The following SEMA5A variants were observed in gnomAD, a reference collection of about 807,000 sequenced individuals.
SEMA5A encodes semaphorin 5A.
In SEMA5A, 55 loss-of-function variants were observed where a neutral mutation model predicts 135.5. The ratio of observed to expected loss-of-function variants is 0.41; its 90% CI spans 0.33 to 0.51. SEMA5A has a LOEUF of 0.51. Ranked by LOEUF, SEMA5A falls within the 20% of genes least tolerant of loss-of-function variation. The pLI is 0.37. For missense variants in SEMA5A, 1,290 were observed against 1,419.9 expected, an observed-to-expected ratio of 0.91 and a Z score of 1.47; for synonymous variants, 580 against 546.5, an observed-to-expected ratio of 1.06 and a Z score of -0.85.
intron 16 of SEMA5A, among the ~76,000 whole-genome samples, chr5:9,084,488 C>T (rs1430855038): frequency 6.6e-6 from 1 of 152,134 alleles, no homozygotes; most frequent in African/African-American, 2.4e-5. Flanking sequence ...TTTTCCCTTG[C>T]TGTTCTCATG....
chr5:9,400,673 A>AT (rs1301589183), intron 2 of SEMA5A, among the ~76,000 whole-genome samples: 1 of 61,342 alleles, frequency 1.6e-5, no homozygotes, highest in East Asian at 7.1e-4. Context: ...CGCCCGGCTA[A>AT]TTTTTTGTAT....
chr5:9,331,442 G>C (rs1490311030), intron 4 of SEMA5A, among the ~76,000 whole-genome samples: 1 of 152,184 alleles, frequency 6.6e-6, no homozygotes, highest in African/African-American at 2.4e-5. Flanking sequence ...AGGCTTCACT[G>C]TCTTGGGTTC....
intron 12 of SEMA5A, among the ~76,000 whole-genome samples, chr5:9,137,339 A>G (rs1298017368): frequency 6.6e-6 from 1 of 152,242 alleles, no homozygotes; most frequent in East Asian, 1.9e-4. Context: ...ATATGATATC[A>G]GAAGTATTTT....
intron 11 of SEMA5A, among the ~76,000 whole-genome samples, chr5:9,173,182 T>C (rs1371955996): frequency 6.6e-6 from 1 of 152,060 alleles, no homozygotes; most frequent in African/African-American, 2.4e-5. Context: ...CAGGGACAGA[T>C]GGCTTGCTGC....
At chr5:9,082,503 C>A (rs1738445758) in intron 16 of SEMA5A, among the ~76,000 whole-genome samples, 1 of 152,138 alleles carries the variant, frequency 6.6e-6, no homozygotes, top group Non-Finnish European at 1.5e-5. Flanking sequence ...TCTCTGCTCA[C>A]TCCCAAGTTC....
intron 5 of SEMA5A, among the ~76,000 whole-genome samples, chr5:9,289,333 TTC>T (rs1305875718): frequency 6.6e-6 from 1 of 152,246 alleles, no homozygotes; most frequent in Non-Finnish European, 1.5e-5. Flanking sequence ...TGAATTAAAA[TTC>T]TGTTTTCTAC....
intron 2 of SEMA5A, among the ~76,000 whole-genome samples, chr5:9,403,101 A>G (rs914983826): frequency 3.3e-5 from 5 of 152,144 alleles, no homozygotes; most frequent in African/African-American, 1.2e-4. Flanking sequence ...CTCCCATTTT[A>G]TGAAGATCCA....
chr5:9,452,418 T>C (rs1327301721), intron 1 of SEMA5A, among the ~76,000 whole-genome samples: 3 of 152,196 alleles, frequency 2.0e-5, no homozygotes, highest in Non-Finnish European at 4.4e-5. Context: ...GAAGAACTGC[T>C]ATCCAGTCAC....
At chr5:9,311,062 T>C (rs960319944) in intron 5 of SEMA5A, among the ~76,000 whole-genome samples, 4 of 152,092 alleles carry the variant, frequency 2.6e-5, no homozygotes, top group Non-Finnish European at 4.4e-5. Context: ...TTAAAACATG[T>C]GGAAACTGAG....
chr5:9,141,956 T>C (rs1009312050), intron 12 of SEMA5A, among the ~76,000 whole-genome samples: 8 of 152,208 alleles, frequency 5.3e-5, no homozygotes, highest in Admixed American at 6.5e-5. Flanking sequence ...TAAAATGTAT[T>C]CTTACACATG....
intron 1 of SEMA5A, among the ~76,000 whole-genome samples, chr5:9,486,136 T>G (rs1422763166): frequency 6.6e-6 from 1 of 151,922 alleles, no homozygotes; most frequent in Non-Finnish European, 1.5e-5. Context: ...TGGATGAAAT[T>G]GAAAGCCATC....
At chr5:9,356,159 G>A (rs773918416) in intron 3 of SEMA5A, among the ~76,000 whole-genome samples, 45 of 152,166 alleles carry the variant, frequency 3.0e-4, no homozygotes, top group Non-Finnish European at 5.4e-4. Flanking sequence ...CACTGAAGAC[G>A]CATTTCTTCT....
chr5:9,341,241 T>C lies in SEMA5A; in HGVS notation c.125-3429A>G, dbSNP rs547448843. On this transcript the variant is annotated intron_variant, in intron 3 of 22. Coordinates refer to ENST00000382496, the MANE Select transcript of SEMA5A (RefSeq NM_003966.3). ...ACACACACACATACACTATATTTCA[T>C]AGGGAATAGGGCTTAGCCCAGAAAC... is the stretch of plus-strand genomic sequence containing the variant. 1.1e-4 allele frequency among the ~76,000 whole-genome samples: 16 copies of C among 149,540 alleles called. 1 individual carries two copies. The highest frequency in any genetic ancestry group is 3.2e-4 in the African/African-American group (13 of 40,366).
chr5:9,057,273 T>C (rs1736945531), intron 18 of SEMA5A, among the ~76,000 whole-genome samples: 1 of 152,246 alleles, frequency 6.6e-6, no homozygotes, highest in Non-Finnish European at 1.5e-5. Flanking sequence ...AGGTAGATTT[T>C]ATGTTGAGTA....
chr5:9,393,776 G>A (rs548862331), intron 2 of SEMA5A, among the ~76,000 whole-genome samples: 4 of 152,308 alleles, frequency 2.6e-5, no homozygotes, highest in Admixed American at 2.0e-4. Context: ...AGAACAGTGA[G>A]AATGTGCTGC....
chr5:9,104,985 C>T (rs888057153), intron 16 of SEMA5A, among the ~76,000 whole-genome samples: 1 of 152,178 alleles, frequency 6.6e-6, no homozygotes, highest in Non-Finnish European at 1.5e-5. Context: ...GAAGGAATGC[C>T]AGGGTCACAG....
chr5:9,530,177 C>T (rs1235178623), intron 1 of SEMA5A, among the ~76,000 whole-genome samples: 1 of 152,152 alleles, frequency 6.6e-6, no homozygotes, highest in African/African-American at 2.4e-5. Context: ...AGATACGTTC[C>T]ACAAGCAAAG....
chr5:9,183,758 C>T (rs1221102914), intron 11 of SEMA5A, among the ~76,000 whole-genome samples: 1 of 152,238 alleles, frequency 6.6e-6, no homozygotes, highest in Non-Finnish European at 1.5e-5. Flanking sequence ...CTCACTTGCC[C>T]TCTTTCCACA....
At chr5:9,541,158 A>G (rs1738061895) in intron 1 of SEMA5A, among the ~76,000 whole-genome samples, 1 of 152,172 alleles carries the variant, frequency 6.6e-6, no homozygotes, top group African/African-American at 2.4e-5. Flanking sequence ...TCACTCGCCT[A>G]TAACTTACTT....
Sources: allele counts gnomAD v4.1 joint callset (sites outside exome capture counted in the v4.1 genomes callset), GRCh38; gene constraint gnomAD v4.1.1; transcripts MANE v1.5; gene names NCBI Gene and HGNC (gene_info 2026-07-23, HGNC 2026-07-21).